The following BCAS1 variants were observed in gnomAD, a reference collection of about 807,000 sequenced individuals.
BCAS1 encodes breast carcinoma-amplified sequence 1.
In BCAS1, 46 loss-of-function variants were observed where a neutral mutation model predicts 65.4. That is an observed-to-expected ratio of 0.70 (90% CI 0.55 to 0.90). BCAS1 has a LOEUF of 0.90. Ranked by LOEUF, BCAS1 falls within the 40% of genes least tolerant of loss-of-function variation. The probability of loss-of-function intolerance (pLI) is 0.00; values close to 1 mark genes in which losing one functional copy is unlikely to be tolerated. For missense variants in BCAS1, 793 were observed against 771.2 expected (o/e 1.03, Z -0.33); for synonymous variants, 298 against 293.5 (o/e 1.02, Z -0.16).
At chr20:54,001,808 CCT>C (rs907594163) in intron 4 of BCAS1, among the ~76,000 whole-genome samples, 3 of 152,290 alleles carry the variant, frequency 2.0e-5, no homozygotes, top group South Asian at 2.1e-4. Flanking sequence ...TTGCCATTCC[CCT>C]GTCTTGATAA....
chr20:54,006,244 T>TC (rs1468931239), intron 4 of BCAS1, among the ~76,000 whole-genome samples: 1 of 152,052 alleles, frequency 6.6e-6, no homozygotes, highest in Non-Finnish European at 1.5e-5. Context: ...TAGAGCCCTT[T>TC]CCCCTTAACC....
chr20:54,045,176 C>T (rs2092077871), intron 3 of BCAS1, among the ~76,000 whole-genome samples: 1 of 150,562 alleles, frequency 6.6e-6, no homozygotes, highest in African/African-American at 2.4e-5. Context: ...CATGCCATTG[C>T]ACTCCAGCTG....
At chr20:53,978,959 C>A (rs761491252) in intron 8 of BCAS1, among the ~76,000 whole-genome samples, 2 of 152,118 alleles carry the variant, frequency 1.3e-5, no homozygotes, top group African/African-American at 4.8e-5. Flanking sequence ...CTGCTCATAG[C>A]GTTGTTTTAA....
chr20:54,047,891 T>G (rs528741454), intron 3 of BCAS1, among the ~76,000 whole-genome samples: 1 of 152,200 alleles, frequency 6.6e-6, no homozygotes, highest in African/African-American at 2.4e-5. Flanking sequence ...GTATGCCCTA[T>G]GTAAATGAAG....
chr20:54,011,506 C>T, intron 4 of BCAS1, among the ~76,000 whole-genome samples: 1 of 152,070 alleles, frequency 6.6e-6, no homozygotes, highest in South Asian at 2.1e-4. Context: ...TCTCATTAAC[C>T]ATTAGAAAAG....
At chr20:54,057,979 C>T (rs2092320701) in intron 3 of BCAS1, 106 bp downstream of exon 3, 1 of 862,414 alleles carries the variant, frequency 1.2e-6, no homozygotes, top group African/African-American at 1.7e-5. Flanking sequence ...CAAACTGAGC[C>T]TGCGGCTTCG....
intron 10 of BCAS1, among the ~76,000 whole-genome samples, chr20:53,964,618 C>T (rs1355450187): frequency 6.6e-6 from 1 of 152,152 alleles, no homozygotes; most frequent in Non-Finnish European, 1.5e-5. Flanking sequence ...CGAATTGATT[C>T]CAAAGGACGC....
chr20:53,984,644 G>A (rs1336676961), intron 8 of BCAS1, among the ~76,000 whole-genome samples: 1 of 152,192 alleles, frequency 6.6e-6, no homozygotes, highest in African/African-American at 2.4e-5. Flanking sequence ...CTCTGCACAT[G>A]TGTAGCAGCT....
chr20:53,998,499 G>C (rs1021704829), intron 4 of BCAS1, among the ~76,000 whole-genome samples: 1 of 152,074 alleles, frequency 6.6e-6, no homozygotes, highest in African/African-American at 2.4e-5. Flanking sequence ...AGAGTGGAGG[G>C]GGTGGTGGGA....
chr20:53,975,327 C>T, intron 9 of BCAS1, 62 bp downstream of exon 9: 1 of 1,503,082 alleles, frequency 6.7e-7, no homozygotes, highest in Admixed American at 1.7e-5. Flanking sequence ...TGAAAATGCC[C>T]AATTGTACAA....
chr20:54,037,748 G>A (rs1307114918), intron 3 of BCAS1, among the ~76,000 whole-genome samples: 6 of 151,260 alleles, frequency 4.0e-5, no homozygotes, highest in Non-Finnish European at 8.9e-5. Flanking sequence ...GGTAGATTTA[G>A]TATTTGAACC....
intron 4 of BCAS1, among the ~76,000 whole-genome samples, chr20:53,999,456 T>G (rs1437700804): frequency 1.3e-5 from 2 of 152,230 alleles, no homozygotes; most frequent in African/African-American, 2.4e-5. Context: ...TTAATTTGTT[T>G]TTGCCTAAGT....
At chr20:54,065,362 C>A (rs1285031472) in intron 1 of BCAS1, among the ~76,000 whole-genome samples, 1 of 152,188 alleles carries the variant, frequency 6.6e-6, no homozygotes, top group Non-Finnish European at 1.5e-5. Flanking sequence ...TTGTTTCTCC[C>A]TCACAATAAG....
chr20:54,042,190 A>C (rs2146212219), intron 3 of BCAS1, among the ~76,000 whole-genome samples: 1 of 152,242 alleles, frequency 6.6e-6, no homozygotes, highest in South Asian at 2.1e-4. Context: ...ATAAATTATC[A>C]TATGTCCTTG....
chr20:54,028,325 G>T, intron 4 of BCAS1, 67 bp downstream of exon 4: 1 of 1,538,054 alleles, frequency 6.5e-7, no homozygotes, highest in East Asian at 2.3e-5. Flanking sequence ...TATGTGCAGT[G>T]GTCTTATCCC....
At chr20:54,045,256 T>TA (rs1417394723) in intron 3 of BCAS1, among the ~76,000 whole-genome samples, 1 of 149,816 alleles carries the variant, frequency 6.7e-6, no homozygotes, top group African/African-American at 2.5e-5. Flanking sequence ...TACGCCCAGG[T>TA]AAAAATTGTC....
chr20:54,011,083 A>C (rs2091309199), intron 4 of BCAS1, among the ~76,000 whole-genome samples: 1 of 152,184 alleles, frequency 6.6e-6, no homozygotes, highest in Non-Finnish European at 1.5e-5. Context: ...AATTATCTCA[A>C]AAGAGATCGT....
intron 12 of BCAS1, among the ~76,000 whole-genome samples, chr20:53,949,703 G>A (rs974573528): frequency 1.3e-5 from 2 of 152,140 alleles, no homozygotes; most frequent in Non-Finnish European, 2.9e-5. Context: ...GGGTCTAGGG[G>A]GCCTGAGCTG....
At chr20:53,952,202 C>G (rs74326774) in intron 12 of BCAS1, among the ~76,000 whole-genome samples, 8 of 152,188 alleles carry the variant, frequency 5.3e-5, no homozygotes, top group Non-Finnish European at 1.2e-4. Flanking sequence ...ATTTTGGTAT[C>G]TATTATTTTA....
Sources: allele counts gnomAD v4.1 joint callset (sites outside exome capture counted in the v4.1 genomes callset), GRCh38; gene constraint gnomAD v4.1.1; transcripts MANE v1.5; gene names NCBI Gene and HGNC (gene_info 2026-07-23, HGNC 2026-07-21).